The following RFX2 variants were observed in gnomAD, a reference collection of about 807,000 sequenced individuals.
The protein encoded by RFX2 is regulatory factor X2.
RFX2 carries 20 observed loss-of-function variants against 87.8 expected under a neutral mutation model. The ratio of observed to expected loss-of-function variants is 0.23; its 90% CI spans 0.16 to 0.33. The LOEUF (loss-of-function observed/expected upper bound fraction) is 0.33, where lower values mean the gene tolerates loss of function less well. Ranked by LOEUF, RFX2 falls within the 10% of genes least tolerant of loss-of-function variation. The probability of loss-of-function intolerance (pLI) is 1.00; values close to 1 mark genes in which losing one functional copy is unlikely to be tolerated. For synonymous variants in RFX2, 397 were observed against 431.3 expected (o/e 0.92, Z 0.98); for missense variants, 767 against 1,012.3 (o/e 0.76, Z 3.29).
intron 3 of RFX2, among the ~76,000 whole-genome samples, chr19:6,042,700 C>T (rs1159053556): frequency 2.0e-5 from 3 of 152,134 alleles, no homozygotes; most frequent in South Asian, 2.1e-4. Flanking sequence ...TGGGAAGGAG[C>T]GGCATGCCTG....
chr19:6,098,898 G>A (rs2088068303), intron 1 of RFX2, among the ~76,000 whole-genome samples: 1 of 148,056 alleles, frequency 6.8e-6, no homozygotes, highest in Non-Finnish European at 1.5e-5. Flanking sequence ...TCGTGGCCCA[G>A]GGCTGACTTT....
chr19:6,057,759 T>C (rs943055402), intron 1 of RFX2, among the ~76,000 whole-genome samples: 1 of 152,166 alleles, frequency 6.6e-6, no homozygotes, highest in African/African-American at 2.4e-5. Flanking sequence ...CCCGGAGTGC[T>C]CTCAGGAGTA....
At position 5,998,822 on chromosome 19, in the gene RFX2, C is replaced by A. The variant is rs544335306; in HGVS notation, c.1860-1609G>T. On this transcript the variant is annotated intron_variant, in intron 15 of 17. Coordinates refer to ENST00000303657, the MANE Select transcript of RFX2 (RefSeq NM_000635.4). The surrounding 1 kb of genome is among the most constrained non-coding windows in gnomAD (Gnocchi z 4.2). ...AGAGAGTAGGAGCATCGGCCGACCACCACCAAGGGAGGCCCAGCCAGAGCT... is the reference window on the plus strand; with the variant it reads ...AGAGAGTAGGAGCATCGGCCGACCAACACCAAGGGAGGCCCAGCCAGAGCT... Among the ~76,000 whole-genome samples, 1 of 152,326 alleles carries A rather than the reference C, an allele frequency of 6.6e-6. No individual in the cohort carries two copies. Among genetic ancestry groups the A allele is most frequent in the Admixed American group, 6.5e-5 (1 of 15,308 alleles).
chr19:6,038,839 G>C (rs191909761), intron 5 of RFX2, among the ~76,000 whole-genome samples: 51 of 152,336 alleles, frequency 3.3e-4, no homozygotes, highest in African/African-American at 1.2e-3. Flanking sequence ...TGCTGACGGA[G>C]AGGAGCAAGA....
chr19:6,033,099 C>T (rs991390035), intron 5 of RFX2, among the ~76,000 whole-genome samples: 6 of 152,162 alleles, frequency 3.9e-5, no homozygotes, highest in Non-Finnish European at 8.8e-5. Context: ...AGGACCGATT[C>T]TTAGAGCCAC....
In RFX2 at chr19:6,007,293, T is replaced by C; in HGVS notation, c.1248-127A>G. ...AGTGGGGCTGGGGTTTTGCTCCCCATCCCTGAGCCTCGATGGGTCCCCTCC... is the reference window on the plus strand; with the variant it reads ...AGTGGGGCTGGGGTTTTGCTCCCCACCCCTGAGCCTCGATGGGTCCCCTCC... On this transcript the variant is annotated intron_variant, in intron 11 of 17. Coordinates refer to ENST00000303657, the MANE Select transcript of RFX2 (RefSeq NM_000635.4). This position sits in a 1 kb window ranked among gnomAD's most constrained non-coding sequence, Gnocchi z 8.2. The C allele has an allele frequency of 3.2e-6, 3 of 927,068 alleles. No homozygotes were observed. The highest frequency in any genetic ancestry group is 4.8e-6 in the Non-Finnish European group (3 of 621,600). 57.4% of individuals were successfully genotyped at this position (927,068 alleles called of 1,614,324 possible).
At chr19:6,078,989 T>G (rs542127317) in intron 1 of RFX2, among the ~76,000 whole-genome samples, 1 of 152,242 alleles carries the variant, frequency 6.6e-6, no homozygotes, top group Non-Finnish European at 1.5e-5. Context: ...TTGGCCAGGC[T>G]GGTCTCGAAC....
At chr19:6,032,755 A>G (rs1443534765) in intron 5 of RFX2, among the ~76,000 whole-genome samples, 1 of 152,084 alleles carries the variant, frequency 6.6e-6, no homozygotes, top group Non-Finnish European at 1.5e-5. Flanking sequence ...TTGTTACTTA[A>G]TATTTTGTGG....
At position 5,999,931 on chromosome 19, in the gene RFX2, G is replaced by C. The variant is rs552903257; in HGVS notation, c.1859+1884C>G. ...GGCCAGGGGAGTGTGTAAGGAGACA[G>C]CTGAGAACAGGGGTGCTGGCTGGCC... On this transcript the variant is annotated intron_variant, in intron 15 of 17. Transcript: ENST00000303657. The surrounding 1 kb of genome is among the most constrained non-coding windows in gnomAD (Gnocchi z 4.1). Among the ~76,000 whole-genome samples the C allele has an allele frequency of 2.2e-4, 33 of 152,260 alleles. No homozygotes were observed. The highest frequency in any genetic ancestry group is 7.9e-4 in the African/African-American group (33 of 41,560).
At chr19:6,086,071 G>A (rs142237377) in intron 1 of RFX2, among the ~76,000 whole-genome samples, 355 of 121,590 alleles carry the variant, frequency 2.9e-3, no homozygotes, top group African/African-American at 0.01. Context: ...CAGCCTGGGT[G>A]ATAGAACAAG....
chr19:6,034,366 C>T (rs1360122196), intron 5 of RFX2, among the ~76,000 whole-genome samples: 3 of 151,832 alleles, frequency 2.0e-5, no homozygotes, highest in Non-Finnish European at 4.4e-5. Context: ...TGAGCTGGGA[C>T]TACAGGTGCG....
intron 1 of RFX2, among the ~76,000 whole-genome samples, chr19:6,087,990 C>G (rs992859929): frequency 6.6e-6 from 1 of 152,046 alleles, no homozygotes; most frequent in African/African-American, 2.4e-5. Context: ...AGCTGCACAC[C>G]CACTTCCAGA....
In RFX2 at chr19:6,080,479, A is replaced by T. The variant is rs2087764796; in HGVS notation, c.-9+29914T>A. The stretch of plus-strand genomic sequence containing the variant: ...CAAGAATACACAAGGTTCCAGATAC[A>T]CAAGGTTGTTCAGTAGAGATCCGGG... On this transcript the variant is annotated intron_variant, in intron 1 of 17. Coordinates refer to ENST00000303657, the MANE Select transcript of RFX2 (RefSeq NM_000635.4). Among the ~76,000 whole-genome samples the T allele has an allele frequency of 2.0e-5, 3 of 152,268 alleles. No individual in the cohort carries two copies. In the South Asian group the frequency reaches 6.2e-4, roughly 32 times the overall value.
intron 1 of RFX2, chr19:6,073,470 G>T (rs919176094): frequency 2.4e-5 from 20 of 846,040 alleles, no homozygotes; most frequent in South Asian, 1.5e-4. Context: ...GGAAAGGGCC[G>T]CCCAGCTGCC....
At position 6,013,061 on chromosome 19, in the gene RFX2, T is replaced by C; in HGVS notation, c.824A>G (p.Asp275Gly). 1 of 1,600,694 alleles carries C rather than the reference T, an allele frequency of 6.2e-7. No individual in the cohort carries two copies. The highest frequency in any genetic ancestry group is 8.5e-7 in the Non-Finnish European group (1 of 1,173,964). Residue 275 changes from aspartate (D) to glycine (G), a missense_variant, in exon 8 of 18, where the codon GAC becomes GGC. This residue lies in a region of RFX2 where 621 missense variants were observed against 873.0 expected (regional missense o/e 0.71). Coordinates refer to ENST00000303657, the MANE Select transcript of RFX2 (RefSeq NM_000635.4). This position sits in a 1 kb window ranked among gnomAD's most constrained non-coding sequence, Gnocchi z 4.1. The part of the protein sequence containing the change: ...YHYYGIRLKP[D>G]SPLNRLQEDT... ...CTCCTGCAGCCGGTTCAGTGGTGAG[T>C]CCGGCTTCAGACGAATCCCATAGTA...
At chr19:6,099,390 T>C (rs545038588) in intron 1 of RFX2, among the ~76,000 whole-genome samples, 28 of 152,332 alleles carry the variant, frequency 1.8e-4, no homozygotes, top group African/African-American at 6.3e-4. Flanking sequence ...TAGGGGTCTT[T>C]GATTAAAATT....
chr19:6,003,071 A>G (rs1408861257), intron 13 of RFX2, among the ~76,000 whole-genome samples: 2 of 152,190 alleles, frequency 1.3e-5, no homozygotes, highest in Non-Finnish European at 2.9e-5. Flanking sequence ...TCGCCGGCAC[A>G]TCACACACGT....
At chr19:6,099,582 C>G (rs750691232) in intron 1 of RFX2, among the ~76,000 whole-genome samples, 7 of 151,822 alleles carry the variant, frequency 4.6e-5, no homozygotes, top group Non-Finnish European at 1.0e-4. Context: ...GAAGAGCACT[C>G]GGGCTCATGT....
chr19:6,080,505 C>T (rs181443943), intron 1 of RFX2, among the ~76,000 whole-genome samples: 1 of 152,116 alleles, frequency 6.6e-6, no homozygotes, highest in African/African-American at 2.4e-5. Context: ...GAGATCCGGG[C>T]TGTGGTGCAA....
Sources: allele counts gnomAD v4.1 joint callset (sites outside exome capture counted in the v4.1 genomes callset), GRCh38; gene constraint gnomAD v4.1.1; regional missense constraint gnomAD v4.1.1; non-coding constraint Gnocchi (gnomAD v3.1); transcripts MANE v1.5; gene names NCBI Gene and HGNC (gene_info 2026-07-23, HGNC 2026-07-21).